SUMF1: variants seen among roughly 807,000 people sequenced by gnomAD.
The protein encoded by SUMF1 is sulfatase modifying factor 1.
Under a neutral mutation model 47.6 loss-of-function variants are expected in SUMF1, and 48 were observed. That is an observed-to-expected ratio of 1.01 (90% CI 0.80 to 1.28). The LOEUF (loss-of-function observed/expected upper bound fraction) is 1.28, where lower values mean the gene tolerates loss of function less well. Among genes scored for constraint, SUMF1 ranks in the 50% most tolerant of loss-of-function variants. SUMF1 has a pLI of 0.00. For missense variants in SUMF1, 571 were observed against 485.4 expected (o/e 1.18, Z -1.66); for synonymous variants, 230 against 192.1 (o/e 1.20, Z -1.63).
chr3:4,043,742 T>C (rs947109299), intron 9 of SUMF1, among the ~76,000 whole-genome samples: 1 of 152,206 alleles, frequency 6.6e-6, no homozygotes, highest in Admixed American at 6.5e-5. Context: ...AAACAGAGCA[T>C]GAAAACACTC....
intron 8 of SUMF1, among the ~76,000 whole-genome samples, chr3:4,248,176 C>T (rs1291744197): frequency 2.0e-5 from 3 of 152,134 alleles, no homozygotes; most frequent in Non-Finnish European, 4.4e-5. Flanking sequence ...GCCATTGAGG[C>T]TGAAGTGTCC....
At chr3:4,331,058 T>C (rs1699041726) in intron 8 of SUMF1, among the ~76,000 whole-genome samples, 1 of 152,234 alleles carries the variant, frequency 6.6e-6, no homozygotes, top group Non-Finnish European at 1.5e-5. Context: ...ACAACTTAAC[T>C]GCACATACAA....
At chr3:4,335,714 G>A (rs189718042) in intron 8 of SUMF1, among the ~76,000 whole-genome samples, 4 of 152,174 alleles carry the variant, frequency 2.6e-5, no homozygotes, top group Non-Finnish European at 2.9e-5. Context: ...GGAGGCCAAG[G>A]CGGACAGATC....
At chr3:4,198,497 C>G (rs140891221) in intron 8 of SUMF1, among the ~76,000 whole-genome samples, 1 of 152,222 alleles carries the variant, frequency 6.6e-6, no homozygotes, top group Non-Finnish European at 1.5e-5. Context: ...AGTGACTGTT[C>G]CTGAAAATTA....
rs113463073 is a variant in SUMF1, at chr3:4,434,546, G to C, written c.520-14400C>G. Among the ~76,000 whole-genome samples, 718 of 152,276 alleles carry C rather than the reference G, an allele frequency of 4.7e-3. 9 individuals carry two copies. Among genetic ancestry groups the C allele is most frequent in the African/African-American group, 0.017 (686 of 41,540 alleles). The stretch of plus-strand genomic sequence containing the variant: ...AGAGATAGTCCACTGGAAGAAACTA[G>C]AACAATGTCATTTACTAAAAGGCCT... On this transcript the variant is annotated intron_variant, in intron 3 of 8. Transcript: ENST00000272902.
chr3:4,398,440 CTT>C (rs1701106419), intron 7 of SUMF1, among the ~76,000 whole-genome samples: 1 of 152,088 alleles, frequency 6.6e-6, no homozygotes, highest in East Asian at 1.9e-4. Context: ...AAAAAGATAA[CTT>C]AACTATATAT....
intron 8 of SUMF1, among the ~76,000 whole-genome samples, chr3:4,178,412 A>C (rs1425904121): frequency 6.6e-6 from 1 of 152,216 alleles, no homozygotes; most frequent in African/African-American, 2.4e-5. Context: ...AATGTAATCC[A>C]TCAATAAACA....
At chr3:4,351,941 A>C (rs1161134480) in intron 8 of SUMF1, among the ~76,000 whole-genome samples, 1 of 152,196 alleles carries the variant, frequency 6.6e-6, no homozygotes, top group African/African-American at 2.4e-5. Flanking sequence ...TGAAGAAGAA[A>C]TAGATTTAGT....
At chr3:4,062,328 A>G (rs963088502) in intron 9 of SUMF1, among the ~76,000 whole-genome samples, 2 of 152,188 alleles carry the variant, frequency 1.3e-5, no homozygotes, top group Non-Finnish European at 2.9e-5. Flanking sequence ...CCTTATGTGC[A>G]ACATCAGAAT....
At chr3:4,223,509 G>A (rs1559584343) in intron 8 of SUMF1, among the ~76,000 whole-genome samples, 1 of 152,068 alleles carries the variant, frequency 6.6e-6, no homozygotes, top group Non-Finnish European at 1.5e-5. Context: ...TTTCCTTGAG[G>A]ATACTGTTAT....
intron 8 of SUMF1, among the ~76,000 whole-genome samples, chr3:4,128,734 T>C (rs1371390072): frequency 6.6e-6 from 1 of 152,104 alleles, no homozygotes; most frequent in East Asian, 1.9e-4. Flanking sequence ...AGAAATAATT[T>C]ATATAAACAG....
At chr3:4,271,709 C>T (rs1239807418) in intron 8 of SUMF1, among the ~76,000 whole-genome samples, 2 of 152,084 alleles carry the variant, frequency 1.3e-5, no homozygotes, top group East Asian at 1.9e-4. Flanking sequence ...ACTCTGTTGC[C>T]CAGGCTACTC....
intron 8 of SUMF1, among the ~76,000 whole-genome samples, chr3:4,169,166 C>A (rs1271680897): frequency 1.3e-5 from 2 of 152,082 alleles, no homozygotes; most frequent in African/African-American, 4.8e-5. Flanking sequence ...GGCAAATTCA[C>A]ATGTGAAGAT....
chr3:4,371,652 A>T (rs1249814952), intron 8 of SUMF1, among the ~76,000 whole-genome samples: 1 of 152,206 alleles, frequency 6.6e-6, no homozygotes, highest in East Asian at 1.9e-4. Context: ...AAAGACCCAG[A>T]GGGATTAATC....
At position 4,122,506 on chromosome 3, in the gene SUMF1, G is replaced by T. The variant is rs181586916; in HGVS notation, c.1015-53761C>A. Among the ~76,000 whole-genome samples, 29 of 152,202 alleles carry T rather than the reference G, an allele frequency of 1.9e-4. No homozygotes were observed. The East Asian group carries it at 5.2e-3, about 27-fold the overall frequency. On this transcript the variant is annotated intron_variant and NMD_transcript_variant, in intron 8 of 12. Transcript: ENST00000448413. ...GCAGTGGTTTTACAACAGTGTGAAT[G>T]TACTAAATGCCACTAATTTGTTGAC...
intron 8 of SUMF1, among the ~76,000 whole-genome samples, chr3:4,176,448 A>C (rs1694965052): frequency 6.6e-6 from 1 of 152,186 alleles, no homozygotes; most frequent in Non-Finnish European, 1.5e-5. Context: ...AAGCTTCATA[A>C]TTGAAGGAGA....
intron 8 of SUMF1, among the ~76,000 whole-genome samples, chr3:4,352,598 G>A (rs1699525968): frequency 6.6e-6 from 1 of 152,098 alleles, no homozygotes; most frequent in Non-Finnish European, 1.5e-5. Context: ...AATCTTCCAT[G>A]ACTTGCACCG....
intron 8 of SUMF1, among the ~76,000 whole-genome samples, chr3:4,251,928 G>C (rs572080908): frequency 1.3e-5 from 2 of 152,256 alleles, no homozygotes; most frequent in South Asian, 4.1e-4. Flanking sequence ...ACACTTAACA[G>C]ACCTACAGTA....
rs71802775 is a variant in SUMF1, at chr3:4,163,121, G to GAAA, written c.1015-94379_1015-94377dup. Among the ~76,000 whole-genome samples, 86 of 148,744 alleles carry GAAA rather than the reference G, an allele frequency of 5.8e-4. 1 individual carries two copies. The highest frequency in any genetic ancestry group is 8.0e-4 in the East Asian group (4 of 4,998). The stretch of plus-strand genomic sequence containing the variant: ...TGGGTGTTGAACTAAGCAGCAGCCT[G>GAAA]AAAAAAAAAATCACTGTCTACTGCT... On this transcript the variant is annotated intron_variant and NMD_transcript_variant, in intron 8 of 12. Transcript: ENST00000448413.
Sources: allele counts gnomAD v4.1 joint callset (sites outside exome capture counted in the v4.1 genomes callset), GRCh38; gene constraint gnomAD v4.1.1; transcripts MANE v1.5; gene names NCBI Gene and HGNC (gene_info 2026-07-23, HGNC 2026-07-21).